The following GALNTL6 variants were observed in gnomAD, a reference collection of about 807,000 sequenced individuals.
GALNTL6 encodes the protein polypeptide N-acetylgalactosaminyltransferase like 6, also known as polypeptide N-acetylgalactosaminyltransferase-like 6.
Under a neutral mutation model 73.7 loss-of-function variants are expected in GALNTL6, and 46 were observed. That is an observed-to-expected ratio of 0.62 (90% CI 0.49 to 0.80). The LOEUF (loss-of-function observed/expected upper bound fraction) is 0.80. Ranked by LOEUF, GALNTL6 falls within the 30% of genes least tolerant of loss-of-function variation. The probability of loss-of-function intolerance (pLI) is 0.00; values close to 1 mark genes in which losing one functional copy is unlikely to be tolerated. For synonymous variants in GALNTL6, 259 were observed against 263.7 expected (o/e 0.98, Z 0.17); for missense variants, 604 against 755.0 (o/e 0.80, Z 2.34).
chr4:171,995,149 A>G (rs549676862), intron 2 of GALNTL6, among the ~76,000 whole-genome samples: 14 of 152,168 alleles, frequency 9.2e-5, no homozygotes, highest in Admixed American at 2.0e-4. Flanking sequence ...GATTGTAATC[A>G]GAAAAAAGTG....
intron 5 of GALNTL6, among the ~76,000 whole-genome samples, chr4:172,353,416 T>C (rs1269962748): frequency 6.6e-6 from 1 of 152,192 alleles, no homozygotes; most frequent in Non-Finnish European, 1.5e-5. Flanking sequence ...TACTATTTAG[T>C]GTGCAATTAA....
intron 2 of GALNTL6, among the ~76,000 whole-genome samples, chr4:171,974,926 C>T (rs1470362383): frequency 6.6e-6 from 1 of 152,154 alleles, no homozygotes; most frequent in African/African-American, 2.4e-5. Flanking sequence ...ACAAATTACA[C>T]TAATAGTCTC....
At chr4:172,061,270 T>C (rs1001166774) in intron 2 of GALNTL6, among the ~76,000 whole-genome samples, 2 of 152,104 alleles carry the variant, frequency 1.3e-5, no homozygotes, top group African/African-American at 4.8e-5. Context: ...GATAATATTT[T>C]AAAAATACAT....
chr4:172,977,111 A>G (rs1431051337), intron 10 of GALNTL6, among the ~76,000 whole-genome samples: 1 of 152,238 alleles, frequency 6.6e-6, no homozygotes, highest in Admixed American at 6.5e-5. Flanking sequence ...TAAGCAGATT[A>G]CACAGGAGTC....
chr4:172,804,042 G>A (rs1219581229), intron 5 of GALNTL6, among the ~76,000 whole-genome samples: 1 of 152,152 alleles, frequency 6.6e-6, no homozygotes, highest in African/African-American at 2.4e-5. Context: ...CCAGTGTAAA[G>A]AATATAGAAA....
intron 5 of GALNTL6, among the ~76,000 whole-genome samples, chr4:172,659,865 G>A (rs1731278111): frequency 6.6e-6 from 1 of 152,126 alleles, no homozygotes; most frequent in African/African-American, 2.4e-5. Flanking sequence ...CTCTTCCCCA[G>A]GAGTTCCAGC....
chr4:172,876,620 G>A (rs1745205800), intron 7 of GALNTL6, among the ~76,000 whole-genome samples: 1 of 152,070 alleles, frequency 6.6e-6, no homozygotes, highest in South Asian at 2.1e-4. Context: ...TCATCTCCTT[G>A]CATACCAGGA....
At chr4:172,588,452 A>T (rs1233445024) in intron 5 of GALNTL6, among the ~76,000 whole-genome samples, 1 of 150,646 alleles carries the variant, frequency 6.6e-6, no homozygotes, top group Non-Finnish European at 1.5e-5. Context: ...AACTTAGCTG[A>T]GCGTGGTGGC....
chr4:171,828,210 C>T (rs927291805), intron 2 of GALNTL6, among the ~76,000 whole-genome samples: 1 of 152,182 alleles, frequency 6.6e-6, no homozygotes, highest in Non-Finnish European at 1.5e-5. Flanking sequence ...ACTCCTTGTG[C>T]TATTACAGTG....
chr4:172,083,434 A>G (rs1176021576), intron 2 of GALNTL6, among the ~76,000 whole-genome samples: 3 of 152,232 alleles, frequency 2.0e-5, no homozygotes, highest in African/African-American at 4.8e-5. Context: ...TTGCTGATTT[A>G]GCTCAAGATT....
intron 2 of GALNTL6, among the ~76,000 whole-genome samples, chr4:172,111,399 C>G (rs1018493490): frequency 1.3e-5 from 2 of 151,806 alleles, no homozygotes; most frequent in African/African-American, 4.8e-5. Flanking sequence ...TTTTAGATTT[C>G]TGATAAATTA....
chr4:172,848,267 C>T (rs1192902600), intron 7 of GALNTL6, among the ~76,000 whole-genome samples: 1 of 152,062 alleles, frequency 6.6e-6, no homozygotes, highest in Non-Finnish European at 1.5e-5. Flanking sequence ...TGTCACCTCC[C>T]TAGGGTAGAC....
chr4:172,439,172 TCACACACACA>T (rs57281407), intron 5 of GALNTL6, among the ~76,000 whole-genome samples: 100 of 145,724 alleles, frequency 6.9e-4, no homozygotes, highest in African/African-American at 1.8e-3. Context: ...TCTCTCCCCT[TCACACACACA>T]CACACACACA....
At chr4:172,515,513 C>T (rs1424340241) in intron 5 of GALNTL6, among the ~76,000 whole-genome samples, 1 of 152,184 alleles carries the variant, frequency 6.6e-6, no homozygotes, top group Non-Finnish European at 1.5e-5. Flanking sequence ...GGTCAGGTTG[C>T]CTAGAAACAG....
intron 9 of GALNTL6, among the ~76,000 whole-genome samples, chr4:172,932,794 T>C (rs1399457490): frequency 1.3e-5 from 2 of 152,232 alleles, no homozygotes; most frequent in Admixed American, 6.5e-5. Context: ...CGTTAGTACT[T>C]ATGTGTGGAA....
intron 5 of GALNTL6, among the ~76,000 whole-genome samples, chr4:172,680,780 A>C (rs925034942): frequency 2.6e-5 from 4 of 152,242 alleles, no homozygotes; most frequent in Non-Finnish European, 5.9e-5. Flanking sequence ...GAAATCAAAG[A>C]CTGTCAAAAC....
rs184206153 is a variant in GALNTL6 at position 172,201,513 on chromosome 4, T to G, written c.139-28143T>G. The stretch of plus-strand genomic sequence containing the variant: ...AGCCACGGCACCGGGACTAGTTTTT[T>G]TTTTTTGTTTTTTGTTTTTGTTTTT... On this transcript the variant is annotated intron_variant, in intron 2 of 12. Coordinates refer to ENST00000506823, the MANE Select transcript of GALNTL6 (RefSeq NM_001034845.3). Among the ~76,000 whole-genome samples, 578 of 151,050 alleles carry G rather than the reference T, an allele frequency of 3.8e-3. 6 individuals carry two copies. The highest frequency in any genetic ancestry group is 0.013 in the African/African-American group (536 of 40,554).
At position 172,127,722 on chromosome 4, in the gene GALNTL6, C is replaced by T. The variant is rs146903364; in HGVS notation, c.139-101934C>T. On this transcript the variant is annotated intron_variant, in intron 2 of 12. Transcript: ENST00000506823. ...ATACTATGAAATTGGTCTTATTTAT[C>T]GAAGTGTTATACAAACAAAAATCAT... is the stretch of plus-strand genomic sequence containing the variant. 7.4e-3 allele frequency among the ~76,000 whole-genome samples: 1,124 copies of T among 152,130 alleles called. 20 individuals carry two copies. The highest frequency in any genetic ancestry group is 0.026 in the African/African-American group (1,074 of 41,522).
chr4:172,467,810 C>CTT (rs1271345072), intron 5 of GALNTL6, among the ~76,000 whole-genome samples: 7 of 20,970 alleles, frequency 3.3e-4, no homozygotes, highest in African/African-American at 7.5e-4. Flanking sequence ...TTTACATTTT[C>CTT]TTTCTTTCTT....
Sources: allele counts gnomAD v4.1 joint callset (sites outside exome capture counted in the v4.1 genomes callset), GRCh38; gene constraint gnomAD v4.1.1; transcripts MANE v1.5; gene names NCBI Gene and HGNC (gene_info 2026-07-23, HGNC 2026-07-21).